The following PDE8A variants were observed in gnomAD, a reference collection of about 807,000 sequenced individuals.
PDE8A encodes the protein phosphodiesterase 8A, also known as high affinity cAMP-specific and IBMX-insensitive 3',5'-cyclic phosphodiesterase 8A.
PDE8A carries 59 observed loss-of-function variants against 105.0 expected under a neutral mutation model. The ratio of observed to expected loss-of-function variants is 0.56; its 90% CI spans 0.46 to 0.70. PDE8A has a LOEUF of 0.70. Among genes scored for constraint, PDE8A ranks in the 30% least tolerant of loss-of-function variants. The pLI, the probability that PDE8A is intolerant of heterozygous loss-of-function variation, is 0.00. For synonymous variants in PDE8A, 355 were observed against 371.9 expected (o/e 0.95, Z 0.52); for missense variants, 1,014 against 1,045.9 (o/e 0.97, Z 0.42).
chr15:85,066,753 A>T (rs2081235730), intron 2 of PDE8A, among the ~76,000 whole-genome samples: 2 of 152,172 alleles, frequency 1.3e-5, no homozygotes, highest in African/African-American at 4.8e-5. Flanking sequence ...AGCCTGGCCA[A>T]CATGGCAAAA....
chr15:85,055,924 C>A (rs2081052132), intron 1 of PDE8A, among the ~76,000 whole-genome samples: 1 of 152,164 alleles, frequency 6.6e-6, no homozygotes, highest in Non-Finnish European at 1.5e-5. Context: ...TACAATTTGG[C>A]ATGTTTTTGC....
chr15:84,984,865 T>C (rs1393830316), intron 1 of PDE8A, among the ~76,000 whole-genome samples: 1 of 152,044 alleles, frequency 6.6e-6, no homozygotes, highest in Non-Finnish European at 1.5e-5. Flanking sequence ...TTTCAGAGTT[T>C]GGATTTTCAG....
chr15:85,033,290 C>G (rs1268144086), intron 1 of PDE8A, among the ~76,000 whole-genome samples: 1 of 152,004 alleles, frequency 6.6e-6, no homozygotes, highest in Non-Finnish European at 1.5e-5. Context: ...CAGGAGCTTC[C>G]CTGCAGTTAG....
intron 11 of PDE8A, among the ~76,000 whole-genome samples, chr15:85,101,099 GA>G (rs1335800538): frequency 2.0e-5 from 3 of 152,216 alleles, no homozygotes; most frequent in Admixed American, 2.0e-4. Context: ...ATTTTTAGGT[GA>G]AATTCTCTTT....
At chr15:85,106,888 A>C (rs1347879635) in intron 11 of PDE8A, among the ~76,000 whole-genome samples, 1 of 152,220 alleles carries the variant, frequency 6.6e-6, no homozygotes, top group Non-Finnish European at 1.5e-5. Context: ...TGATTTGTGC[A>C]CAGGAAGGTG....
intron 3 of PDE8A, among the ~76,000 whole-genome samples, chr15:85,072,983 A>C (rs1490773230): frequency 6.6e-6 from 1 of 151,952 alleles, no homozygotes; most frequent in Non-Finnish European, 1.5e-5. Flanking sequence ...CATGGTTGGC[A>C]CTTGCCTGTA....
intron 8 of PDE8A, among the ~76,000 whole-genome samples, chr15:85,091,489 A>T (rs1317522582): frequency 1.3e-5 from 2 of 152,224 alleles, no homozygotes; most frequent in African/African-American, 4.8e-5. Context: ...GATGTTGGCA[A>T]ATGGTTCTGG....
intron 5 of PDE8A, among the ~76,000 whole-genome samples, chr15:85,082,493 C>A (rs1189790075): frequency 6.6e-6 from 1 of 152,150 alleles, no homozygotes; most frequent in Non-Finnish European, 1.5e-5. Flanking sequence ...TACAATCATA[C>A]AGCTTTTAAG....
chr15:85,096,753 A>G lies in PDE8A; in HGVS notation c.853-1195A>G, dbSNP rs2081761238. Among the ~76,000 whole-genome samples the G allele has an allele frequency of 2.6e-5, 4 of 152,128 alleles. No homozygotes were observed. The South Asian group carries it at 8.3e-4, about 32-fold the overall frequency. ...AAGGCCCATACCTCCCTTCTACTCC[A>G]GTGTGACCTAAGGACTCAGCTGGGC... On this transcript the variant is annotated intron_variant, in intron 8 of 21. Transcript: ENST00000394553.
intron 5 of PDE8A, among the ~76,000 whole-genome samples, chr15:85,079,556 G>A (rs529138138): frequency 6.6e-6 from 1 of 152,326 alleles, no homozygotes; most frequent in South Asian, 2.1e-4. Context: ...TGATCAAATT[G>A]AGAAGCTGAA....
chr15:85,113,972 T>A lies in PDE8A; in HGVS notation c.1285T>A (p.Ser429Thr), dbSNP rs765830485. Residue 429 changes from serine (S) to threonine (T), a missense_variant, in exon 14 of 22, where the codon TCA (serine) becomes ACA (threonine). Ser to Thr is a moderately conservative substitution (Grantham distance 58, BLOSUM62 1). Transcript: ENST00000394553. The part of the protein sequence containing the change: ...LEILRTTELY[S>T]PQFGAKDDDP... ...AATTCTAAGAACCACTGAGTTATAT[T>A]CACCACAGTTTGGTGCTAAAGATGA... 6 of 1,613,546 alleles carry A rather than the reference T, an allele frequency of 3.7e-6. No individual in the cohort carries two copies. The highest frequency in any genetic ancestry group is 5.1e-6 in the Non-Finnish European group (6 of 1,179,388).
intron 1 of PDE8A, among the ~76,000 whole-genome samples, chr15:85,009,564 A>G (rs1042040717): frequency 1.3e-5 from 2 of 152,236 alleles, no homozygotes; most frequent in African/African-American, 4.8e-5. Flanking sequence ...ACTATTGGCC[A>G]TTGTATTTTT....
At chr15:85,008,741 T>C (rs2080190214) in intron 1 of PDE8A, among the ~76,000 whole-genome samples, 1 of 152,124 alleles carries the variant, frequency 6.6e-6, no homozygotes, top group South Asian at 2.1e-4. Context: ...TCTGCCTGAA[T>C]CCTCCATTAC....
At chr15:85,016,845 G>T (rs1371718860) in intron 1 of PDE8A, among the ~76,000 whole-genome samples, 1 of 151,570 alleles carries the variant, frequency 6.6e-6, no homozygotes, top group Non-Finnish European at 1.5e-5. Flanking sequence ...GTGTTTTTAT[G>T]ACTCTCCTCA....
intron 1 of PDE8A, among the ~76,000 whole-genome samples, chr15:85,015,023 A>G (rs1439848025): frequency 1.3e-5 from 2 of 152,164 alleles, no homozygotes; most frequent in Admixed American, 6.5e-5. Context: ...GTAAAATCAT[A>G]TAATTTCTGG....
chr15:85,056,304 G>C (rs1000044562), intron 1 of PDE8A, among the ~76,000 whole-genome samples: 3 of 151,620 alleles, frequency 2.0e-5, no homozygotes, highest in African/African-American at 7.3e-5. Context: ...TGCTCTTCTC[G>C]AGGAGTATCT....
At chr15:85,110,453 C>G (rs1201946789) in intron 12 of PDE8A, among the ~76,000 whole-genome samples, 1 of 152,290 alleles carries the variant, frequency 6.6e-6, no homozygotes, top group East Asian at 1.9e-4. Flanking sequence ...TCCACACACA[C>G]AAACACATTA....
intron 1 of PDE8A, among the ~76,000 whole-genome samples, chr15:85,025,368 C>A (rs1202593928): frequency 1.3e-5 from 2 of 152,076 alleles, no homozygotes; most frequent in African/African-American, 4.8e-5. Flanking sequence ...GCCCCCATTC[C>A]CAGGCGTTTT....
intron 1 of PDE8A, among the ~76,000 whole-genome samples, chr15:84,989,552 G>A (rs1052650645): frequency 7.9e-5 from 12 of 152,306 alleles, no homozygotes; most frequent in Admixed American, 7.8e-4. Context: ...AGGAGGAGGA[G>A]CCAGAAGATG....
Sources: gnomAD v4.1 joint callset for allele counts (sites outside exome capture counted in the v4.1 genomes callset) on GRCh38, gnomAD v4.1.1 for gene constraint, MANE v1.5 for transcripts, NCBI Gene and HGNC (gene_info 2026-07-23, HGNC 2026-07-21) for gene names.